MAP2K2: variants seen among roughly 807,000 people sequenced by gnomAD.
The protein encoded by MAP2K2 is dual specificity mitogen-activated protein kinase kinase 2.
In MAP2K2, 24 loss-of-function variants were observed where a neutral mutation model predicts 43.7. The observed-to-expected ratio is 0.55, with a 90% CI of 0.40 to 0.77. The LOEUF is 0.77. Ranked by LOEUF, MAP2K2 falls within the 30% of genes least tolerant of loss-of-function variation. The pLI is 0.00. For missense variants in MAP2K2, 470 were observed against 566.8 expected (o/e 0.83, Z 1.73); for synonymous variants, 244 against 239.7 (o/e 1.02, Z -0.17).
rs117945277 is a variant in MAP2K2, at chr19:4,090,614, G to A, written c.1187C>T (p.Thr396Met). The A allele has an allele frequency of 9.0e-5, 139 of 1,552,194 alleles. No homozygotes were observed. Among genetic ancestry groups the A allele is most frequent in the Non-Finnish European group, 1.1e-4 (130 of 1,148,014 alleles). Reference sequence around the variant, plus strand: ...CGGCCACTGTCACACGGCGGTGCGCGTGGGTGTGCCGGGCTGGTTCAGCCG... The same window carrying A: ...CGGCCACTGTCACACGGCGGTGCGCATGGGTGTGCCGGGCTGGTTCAGCCG... Reference protein sequence around the residue: ...TLRLNQPGTPTRTAV With the variant: ...TLRLNQPGTPMRTAV Residue 396 changes from threonine (T) to methionine (M), a missense_variant, in exon 11 of 11, where the codon ACG (threonine) becomes ATG (methionine). This residue lies in a region of MAP2K2 where 212 missense variants were observed against 220.8 expected (regional missense o/e 0.96). Transcript: ENST00000262948.
chr19:4,099,030 C>T (rs950351976), intron 7 of MAP2K2, among the ~76,000 whole-genome samples, 171 bp downstream of exon 7: 1 of 152,268 alleles, frequency 6.6e-6, no homozygotes, highest in African/African-American at 2.4e-5. Flanking sequence ...GCTTCCAGCT[C>T]TGTCCCCGGA....
chr19:4,098,986 C>G (rs2040960299), intron 7 of MAP2K2, among the ~76,000 whole-genome samples: 1 of 152,248 alleles, frequency 6.6e-6, no homozygotes, highest in South Asian at 2.1e-4. Flanking sequence ...ACAGGTGCAG[C>G]TGCCCCGGAC....
At chr19:4,108,787 G>C (rs1050361972) in intron 3 of MAP2K2, among the ~76,000 whole-genome samples, 9 of 152,198 alleles carry the variant, frequency 5.9e-5, no homozygotes, top group African/African-American at 2.2e-4. Flanking sequence ...AGGATGGACA[G>C]AACTCCTGAG....
At chr19:4,091,482 A>G (rs924863875) in intron 10 of MAP2K2, among the ~76,000 whole-genome samples, 5 of 151,276 alleles carry the variant, frequency 3.3e-5, no homozygotes, top group African/African-American at 1.2e-4. Flanking sequence ...CCTCCCCAGT[A>G]GCTGGGATTA....
Position 4,094,322 on chromosome 19 carries a change from C to T in MAP2K2, c.1092+131G>A, listed in dbSNP as rs2040883816. 7 of 983,992 alleles carry T rather than the reference C, an allele frequency of 7.1e-6. No individual in the cohort carries two copies. In the South Asian group the frequency reaches 8.4e-5, roughly 12 times the overall value. The allele number at this position is 983,992 out of a possible 1,614,324, so 61.0% of individuals were successfully genotyped here. ...AGAGGGTCCTCGGCGTGGCCTGGCA[C>T]ACCCGGCCTGCCCACATCCTGGTCG... On this transcript the variant is annotated intron_variant, in intron 10 of 10. Coordinates refer to ENST00000262948, the MANE Select transcript of MAP2K2 (RefSeq NM_030662.4).
Position 4,123,769 on chromosome 19 carries a change from C to A in MAP2K2, c.92+15G>T. On this transcript the variant is annotated intron_variant, in intron 1 of 10. Transcript: ENST00000262948. ...CCGTGCACCCCAAGCCTCCGGCTGACCCCTGCCCACTCACTCGGAGGCGCC... is the reference window on the plus strand; with the variant it reads ...CCGTGCACCCCAAGCCTCCGGCTGAACCCTGCCCACTCACTCGGAGGCGCC... 2 of 1,536,698 alleles carry A rather than the reference C, an allele frequency of 1.3e-6. No individual in the cohort carries two copies. The highest frequency in any genetic ancestry group is 2.5e-5 in the East Asian group (1 of 39,638).
intron 6 of MAP2K2, chr19:4,100,388 C>A (rs1051665714): frequency 5.3e-4 from 69 of 130,402 alleles, no homozygotes; most frequent in African/African-American, 2.0e-3. Flanking sequence ...CAAGATTGTG[C>A]CATTGCACTC....
chr19:4,105,883 C>T (rs1024814693), intron 3 of MAP2K2, among the ~76,000 whole-genome samples: 18 of 151,928 alleles, frequency 1.2e-4, no homozygotes, highest in African/African-American at 2.9e-4. Flanking sequence ...AGGCTGCTCT[C>T]GAAGTCCTGG....
intron 3 of MAP2K2, chr19:4,102,982 C>T: frequency 2.7e-6 from 3 of 1,091,542 alleles, no homozygotes; most frequent in Non-Finnish European, 2.2e-6. Flanking sequence ...TGTGCCCGTC[C>T]AGACCCCCAG....
Position 4,110,410 on chromosome 19 carries a change from T to C in MAP2K2, c.450+99A>G, listed in dbSNP as rs12975436. 297,319 of 1,469,662 alleles carry C rather than the reference T, an allele frequency of 0.2. 31,706 individuals carry two copies. Among genetic ancestry groups the C allele is most frequent in the East Asian group, 0.32 (13,999 of 43,890 alleles). 91.0% of individuals were successfully genotyped at this position (1,469,662 alleles called of 1,614,324 possible). On this transcript the variant is annotated intron_variant, in intron 3 of 10. Coordinates refer to ENST00000262948, the MANE Select transcript of MAP2K2 (RefSeq NM_030662.4). The stretch of plus-strand genomic sequence containing the variant: ...GGATCCCCTGGAAGCCAGCGCACTG[T>C]TGCCTCTGAGGAAAGGGGCCGTGAG...
chr19:4,119,253 ATTCTGTC>A (rs1379656064), intron 1 of MAP2K2, among the ~76,000 whole-genome samples: 1 of 152,078 alleles, frequency 6.6e-6, no homozygotes, highest in Non-Finnish European at 1.5e-5. Context: ...ACAAAGTCTC[ATTCTGTC>A]GCCCAGGCTG....
At chr19:4,102,775 G>A (rs1290410247) in intron 3 of MAP2K2, 3 of 1,268,678 alleles carry the variant, frequency 2.4e-6, no homozygotes, top group Non-Finnish European at 2.0e-6. Context: ...GCCGCGGCCG[G>A]GGGCTCAGGC....
chr19:4,090,658 G>C lies in MAP2K2; in HGVS notation c.1143C>G (p.Gly381=). ...TCAGCCGCAGGGTTTTACACAACCAGCCGGCAAAATCCACTTCTTCCACCT... is the reference window on the plus strand; with the variant it reads ...TCAGCCGCAGGGTTTTACACAACCACCCGGCAAAATCCACTTCTTCCACCT... The part of the protein sequence containing the change: ...RSEVEEVDFA[G]WLCKTLRLNQ... The change falls in exon 11 of 11, where the codon GGC becomes GGG. Residue 381 remains glycine, a synonymous_variant. Transcript: ENST00000262948. 16 of 1,559,214 alleles carry C rather than the reference G, an allele frequency of 1.0e-5. No homozygotes were observed. Among genetic ancestry groups the C allele is most frequent in the Non-Finnish European group, 1.4e-5 (16 of 1,151,458 alleles).
At chr19:4,099,497 C>A (rs1021117913) in intron 6 of MAP2K2, 83 bp from the exon 7 acceptor site, 1 of 1,086,912 alleles carries the variant, frequency 9.2e-7, no homozygotes, top group South Asian at 1.4e-5. Flanking sequence ...TTACAGCCCC[C>A]GTCACCCTCT....
At chr19:4,113,486 G>C (rs532908866) in intron 2 of MAP2K2, among the ~76,000 whole-genome samples, 1 of 152,038 alleles carries the variant, frequency 6.6e-6, no homozygotes, top group Non-Finnish European at 1.5e-5. Context: ...TGACAAGCCC[G>C]GGGGATGGGT....
intron 8 of MAP2K2, among the ~76,000 whole-genome samples, chr19:4,096,957 T>C (rs1006790050): frequency 2.0e-5 from 3 of 151,518 alleles, no homozygotes; most frequent in Non-Finnish European, 4.4e-5. Context: ...CAAGAATTGC[T>C]TGAACCTGGG....
At chr19:4,093,438 C>G (rs953490463) in intron 10 of MAP2K2, among the ~76,000 whole-genome samples, 5 of 152,162 alleles carry the variant, frequency 3.3e-5, no homozygotes, top group African/African-American at 1.2e-4. Flanking sequence ...CATCTGTAAT[C>G]TCTGCACTTT....
intron 3 of MAP2K2, among the ~76,000 whole-genome samples, chr19:4,105,429 C>T (rs892085344): frequency 2.0e-5 from 3 of 151,920 alleles, no homozygotes; most frequent in Non-Finnish European, 2.9e-5. Context: ...CCACCACACT[C>T]GGCTAATTTT....
chr19:4,094,790 ACTGT>A (rs1434097114), intron 9 of MAP2K2: 33 of 498,734 alleles, frequency 6.6e-5, no homozygotes, highest in African/African-American at 5.3e-4. Context: ...ACCCCAGCTA[ACTGT>A]CTAATAAAAC....
Sources: gnomAD v4.1 joint callset for allele counts (sites outside exome capture counted in the v4.1 genomes callset) on GRCh38, gnomAD v4.1.1 for gene constraint, gnomAD v4.1.1 regional missense constraint, MANE v1.5 for transcripts, NCBI Gene and HGNC (gene_info 2026-07-23, HGNC 2026-07-21) for gene names.